Variants in ZHX2 observed in about 807,000 individuals in gnomAD.
ZHX2 encodes the protein zinc fingers and homeoboxes protein 2.
ZHX2 carries 6 observed loss-of-function variants against 21.9 expected under a neutral mutation model. That is an observed-to-expected ratio of 0.27 (90% CI 0.15 to 0.54). The LOEUF (loss-of-function observed/expected upper bound fraction) is 0.54. Among genes scored for constraint, ZHX2 ranks in the 20% least tolerant of loss-of-function variants. The pLI, the probability that ZHX2 is intolerant of heterozygous loss-of-function variation, is 0.95. For missense variants in ZHX2, 908 were observed against 1,090.7 expected (o/e 0.83, Z 2.36); for synonymous variants, 434 against 437.1 (o/e 0.99, Z 0.09).
At chr8:122,852,974 T>TCA (rs1171625273) in intron 1 of ZHX2, among the ~76,000 whole-genome samples, 1 of 152,122 alleles carries the variant, frequency 6.6e-6, no homozygotes, top group African/African-American at 2.4e-5. Context: ...CTTATTTAAT[T>TCA]CACACAGAAA....
chr8:122,878,999 G>A (rs141645906), intron 2 of ZHX2, among the ~76,000 whole-genome samples: 71 of 152,138 alleles, frequency 4.7e-4, no homozygotes, highest in African/African-American at 1.6e-3. Flanking sequence ...TAGAGGAATG[G>A]GGACCTACTG....
At chr8:122,819,847 C>T (rs1475832764) in intron 1 of ZHX2, among the ~76,000 whole-genome samples, 1 of 152,232 alleles carries the variant, frequency 6.6e-6, no homozygotes, top group Non-Finnish European at 1.5e-5. Flanking sequence ...ACCTTTCTCT[C>T]CCGTATCCTT....
intron 1 of ZHX2, among the ~76,000 whole-genome samples, chr8:122,842,368 A>G (rs1213200018): frequency 6.6e-6 from 1 of 152,142 alleles, no homozygotes; most frequent in African/African-American, 2.4e-5. Flanking sequence ...TCTCCCAACA[A>G]ACTGAACCGC....
intron 1 of ZHX2, among the ~76,000 whole-genome samples, chr8:122,800,409 G>A (rs1817696325): frequency 6.6e-6 from 1 of 152,180 alleles, no homozygotes; most frequent in Non-Finnish European, 1.5e-5. Context: ...AAGCTGGTGC[G>A]GTGCCTGCAA....
At chr8:122,876,870 C>T (rs1819586840) in intron 2 of ZHX2, among the ~76,000 whole-genome samples, 1 of 152,204 alleles carries the variant, frequency 6.6e-6, no homozygotes, top group Non-Finnish European at 1.5e-5. Flanking sequence ...CCAGTCAATT[C>T]AGCAACAAGC....
At chr8:122,933,011 G>A (rs747767910) in intron 2 of ZHX2, among the ~76,000 whole-genome samples, 1 of 152,184 alleles carries the variant, frequency 6.6e-6, no homozygotes, top group Non-Finnish European at 1.5e-5. Flanking sequence ...AAGGCTTTGA[G>A]ATAAAGGGAA....
intron 1 of ZHX2, among the ~76,000 whole-genome samples, chr8:122,800,209 G>C (rs1201337049): frequency 6.6e-6 from 1 of 152,162 alleles, no homozygotes; most frequent in East Asian, 1.9e-4. Context: ...AGCTCATCTG[G>C]TACAGCAGGA....
At chr8:122,914,755 A>G (rs1820558335) in intron 2 of ZHX2, among the ~76,000 whole-genome samples, 2 of 152,178 alleles carry the variant, frequency 1.3e-5, no homozygotes, top group Admixed American at 6.5e-5. Context: ...TTACTTTGTT[A>G]TCTGAGCTTT....
intron 1 of ZHX2, among the ~76,000 whole-genome samples, chr8:122,810,882 G>A (rs542737088): frequency 7.2e-5 from 11 of 152,200 alleles, no homozygotes; most frequent in African/African-American, 2.4e-4. Context: ...ATGCTGGTGC[G>A]CTGCACCCAC....
chr8:122,869,571 C>T, intron 2 of ZHX2, among the ~76,000 whole-genome samples: 1 of 152,202 alleles, frequency 6.6e-6, no homozygotes, highest in African/African-American at 2.4e-5. Context: ...AACACAGGCT[C>T]CCTCAGGGAG....
At chr8:122,870,231 G>A (rs1467542697) in intron 2 of ZHX2, among the ~76,000 whole-genome samples, 2 of 152,130 alleles carry the variant, frequency 1.3e-5, no homozygotes, top group African/African-American at 2.4e-5. Flanking sequence ...AGACTGCAGA[G>A]GCTCTCAGGT....
At chr8:122,839,140 CCCTT>C (rs887257096) in intron 1 of ZHX2, among the ~76,000 whole-genome samples, 49 of 149,598 alleles carry the variant, frequency 3.3e-4, no homozygotes, top group African/African-American at 1.0e-3. Context: ...CTTTTTTTTT[CCCTT>C]CCTTCTTTTT....
At chr8:122,783,629 T>G (rs1817337049) in intron 1 of ZHX2, among the ~76,000 whole-genome samples, 1 of 152,246 alleles carries the variant, frequency 6.6e-6, no homozygotes, top group Non-Finnish European at 1.5e-5. Flanking sequence ...GCAGCGAGTT[T>G]AAGCAGTTCA....
intron 1 of ZHX2, among the ~76,000 whole-genome samples, chr8:122,806,681 A>G (rs1402383769): frequency 2.6e-5 from 4 of 152,220 alleles, no homozygotes; most frequent in South Asian, 4.1e-4. Flanking sequence ...AAGGGTGGCC[A>G]TTGGAACTCA....
chr8:122,782,118 G>A lies in ZHX2; in HGVS notation c.-283+172G>A, dbSNP rs1473563744. 4.3e-5 allele frequency among the ~76,000 whole-genome samples: 5 copies of A among 115,338 alleles called. No individual in the cohort carries two copies. Among genetic ancestry groups the A allele is most frequent in the Non-Finnish European group, 9.8e-5 (5 of 51,234 alleles). 75.7% of individuals were successfully genotyped at this position (115,338 alleles called of 152,430 possible). On this transcript the variant is annotated intron_variant, in intron 1 of 3. Transcript: ENST00000314393. This position sits in a 1 kb window ranked among gnomAD's most constrained non-coding sequence, Gnocchi z 5.3. ...GGCCGGGTTTGTGATTGGAAGGGGG[G>A]TACGGAAGGGGGGGGGTGTGCAGGC... is the stretch of plus-strand genomic sequence containing the variant.
chr8:122,833,333 G>C (rs564785376), intron 1 of ZHX2, among the ~76,000 whole-genome samples: 4 of 152,216 alleles, frequency 2.6e-5, no homozygotes, highest in African/African-American at 9.6e-5. Context: ...TTTGTTGGGC[G>C]GAGTAGGCGA....
chr8:122,889,814 G>T (rs891441398), intron 2 of ZHX2, among the ~76,000 whole-genome samples: 9 of 152,252 alleles, frequency 5.9e-5, no homozygotes, highest in Admixed American at 2.6e-4. Flanking sequence ...TCAAATATAT[G>T]CAGATTTTGG....
intron 1 of ZHX2, among the ~76,000 whole-genome samples, chr8:122,837,117 A>G (rs1421218332): frequency 6.6e-6 from 1 of 152,204 alleles, no homozygotes; most frequent in Non-Finnish European, 1.5e-5. Context: ...TATATGGTCT[A>G]AAAAGGGGAG....
intron 2 of ZHX2, among the ~76,000 whole-genome samples, chr8:122,878,115 C>T (rs768861371): frequency 6.6e-6 from 1 of 151,734 alleles, no homozygotes; most frequent in Non-Finnish European, 1.5e-5. Context: ...ACATTTCTTG[C>T]CAGTACCTCC....
Sources: allele counts gnomAD v4.1 joint callset (sites outside exome capture counted in the v4.1 genomes callset), GRCh38; gene constraint gnomAD v4.1.1; non-coding constraint Gnocchi (gnomAD v3.1); transcripts MANE v1.5; gene names NCBI Gene and HGNC (gene_info 2026-07-23, HGNC 2026-07-21).